MYO6: variants seen among roughly 807,000 people sequenced by gnomAD.
The protein encoded by MYO6 is unconventional myosin-VI.
MYO6 carries 74 observed loss-of-function variants against 178.7 expected under a neutral mutation model. That is an observed-to-expected ratio of 0.41 (90% CI 0.34 to 0.50). The LOEUF is 0.50. MYO6 is among the 20% of genes least tolerant of loss of function. The pLI is 0.09. For synonymous variants in MYO6, 477 were observed against 504.6 expected, an observed-to-expected ratio of 0.95 and a Z score of 0.73; for missense variants, 1,330 against 1,547.4, an observed-to-expected ratio of 0.86 and a Z score of 2.36.
intron 1 of MYO6, among the ~76,000 whole-genome samples, chr6:75,750,386 C>T (rs1211099217): frequency 1.3e-5 from 2 of 152,062 alleles, no homozygotes; most frequent in African/African-American, 4.8e-5. Context: ...TGAGCCACTG[C>T]GCCTGGCCAA....
chr6:75,823,967 T>G lies in MYO6; in HGVS notation c.187+1116T>G, dbSNP rs560418976. Among the ~76,000 whole-genome samples the G allele has an allele frequency of 5.9e-5, 9 of 152,346 alleles. No homozygotes were observed. In the South Asian group the frequency reaches 1.9e-3, roughly 32 times the overall value. On this transcript the variant is annotated intron_variant, in intron 3 of 34. Coordinates refer to ENST00000369977, the MANE Select transcript of MYO6 (RefSeq NM_004999.4). ...GTAGAATTCCCTTCCTTTCCAAAATTGCTGGAGAGTTTGTCTGATTAAATA... is the reference window on the plus strand; with the variant it reads ...GTAGAATTCCCTTCCTTTCCAAAATGGCTGGAGAGTTTGTCTGATTAAATA...
intron 24 of MYO6, 45 bp from the exon 25 acceptor site, chr6:75,886,799 T>C: frequency 6.3e-7 from 1 of 1,590,856 alleles, no homozygotes; most frequent in Non-Finnish European, 8.6e-7. Flanking sequence ...CTGCCAAAAG[T>C]ACTAAAGGAT....
chr6:75,906,928 G>C (rs1208921565), intron 30 of MYO6, among the ~76,000 whole-genome samples: 3 of 152,126 alleles, frequency 2.0e-5, no homozygotes, highest in Non-Finnish European at 1.5e-5. Flanking sequence ...TTACTTATGA[G>C]GGTGTGTTTT....
At chr6:75,908,425 T>TAAAGAAAAAAA (rs1310766938) in intron 31 of MYO6, 71 bp from the exon 32 acceptor site, 108 of 1,464,674 alleles carry the variant, frequency 7.4e-5, no homozygotes, top group Non-Finnish European at 9.7e-5. Flanking sequence ...TGCGACAGAA[T>TAAAGAAAAAAA]AATTATATCA....
Position 75,901,281 on chromosome 6 carries a change from G to T in MYO6, c.3176+2870G>T, listed in dbSNP as rs1779754536. Among the ~76,000 whole-genome samples, 8 of 152,232 alleles carry T rather than the reference G, an allele frequency of 5.3e-5. No individual in the cohort carries two copies. The South Asian group carries it at 1.7e-3, about 32-fold the overall frequency. On this transcript the variant is annotated intron_variant, in intron 30 of 34. Coordinates refer to ENST00000369977, the MANE Select transcript of MYO6 (RefSeq NM_004999.4). ...TCCAATTCTGTGAAGAAAGGCATTG[G>T]TAGCTTGATGGGGATGGCATTGAAT... is the stretch of plus-strand genomic sequence containing the variant.
intron 1 of MYO6, among the ~76,000 whole-genome samples, chr6:75,753,441 A>ATGTGTGTGTGTGTGTG (rs763065617): frequency 7.1e-5 from 10 of 140,470 alleles, no homozygotes; most frequent in African/African-American, 2.7e-4. Flanking sequence ...TGATCTATAT[A>ATGTGTGTGTGTGTGTG]TGTGTGTGTG....
intron 15 of MYO6, 56 bp from the exon 16 acceptor site, chr6:75,862,540 A>G (rs1435128471): frequency 1.4e-6 from 2 of 1,479,662 alleles, no homozygotes; most frequent in African/African-American, 1.4e-5. Context: ...TTGTTCACAT[A>G]TCTTTAAAAT....
rs1311808631 is a variant in MYO6 at position 75,842,199 on chromosome 6, CAT to C, written c.816+822_816+823del. 8.2e-5 allele frequency among the ~76,000 whole-genome samples: 12 copies of C among 146,550 alleles called. No individual in the cohort carries two copies. In the South Asian group the frequency reaches 2.4e-3, roughly 29 times the overall value. On this transcript the variant is annotated intron_variant, in intron 9 of 34. Coordinates refer to ENST00000369977, the MANE Select transcript of MYO6 (RefSeq NM_004999.4). ...GTGGTGGGAAACGCACACACACACACATGCACACACACACACACACACACCTG... is the reference window on the plus strand; with the variant it reads ...GTGGTGGGAAACGCACACACACACACGCACACACACACACACACACACCTG...
chr6:75,895,372 T>C, intron 29 of MYO6, 112 bp downstream of exon 29: 2 of 855,118 alleles, frequency 2.3e-6, no homozygotes, highest in East Asian at 5.2e-5. Flanking sequence ...GGTAATGAGA[T>C]AACCTTTTTC....
rs113912075 is a variant in MYO6 at position 75,770,570 on chromosome 6, G to A, written c.-48+21147G>A. 1.2e-3 allele frequency among the ~76,000 whole-genome samples: 180 copies of A among 152,244 alleles called. 1 individual carries two copies. Among genetic ancestry groups the A allele is most frequent in the African/African-American group, 4.0e-3 (166 of 41,554 alleles). ...TGGCTTATTGCAACCTCCGCCTCCC[G>A]GGTTGAAGCGATTCTTTTGCCTCAG... On this transcript the variant is annotated intron_variant, in intron 1 of 34. Coordinates refer to ENST00000369977, the MANE Select transcript of MYO6 (RefSeq NM_004999.4).
At chr6:75,862,498 C>A in intron 15 of MYO6, 98 bp from the exon 16 acceptor site, 1 of 1,089,542 alleles carries the variant, frequency 9.2e-7, no homozygotes, top group Non-Finnish European at 1.4e-6. Context: ...TATGTTGTTT[C>A]TGATCAGTCC....
intron 24 of MYO6, 83 bp from the exon 25 acceptor site, chr6:75,886,761 C>A: frequency 7.8e-7 from 1 of 1,285,216 alleles, no homozygotes; most frequent in Non-Finnish European, 1.1e-6. Flanking sequence ...AGTGAAATAC[C>A]CTGTTTAGCA....
At chr6:75,879,363 GCCC>G (rs879872493) in intron 20 of MYO6, among the ~76,000 whole-genome samples, 235 of 151,576 alleles carry the variant, frequency 1.6e-3, no homozygotes, top group Non-Finnish European at 2.7e-3. Context: ...TCCTGTCTCA[GCCC>G]CCTGAGTAGC....
intron 1 of MYO6, among the ~76,000 whole-genome samples, chr6:75,783,585 AT>A (rs1767211104): frequency 6.7e-6 from 1 of 148,526 alleles, no homozygotes; most frequent in Non-Finnish European, 1.5e-5. Context: ...CATTTAAAAT[AT>A]CCCACTTACC....
intron 7 of MYO6, among the ~76,000 whole-genome samples, chr6:75,836,247 T>C (rs1388765484): frequency 2.0e-5 from 3 of 152,224 alleles, no homozygotes; most frequent in Admixed American, 2.0e-4. Flanking sequence ...TACAGGAATG[T>C]CTTTAGCTTC....
At chr6:75,775,499 G>A (rs1270200633) in intron 1 of MYO6, among the ~76,000 whole-genome samples, 1 of 152,226 alleles carries the variant, frequency 6.6e-6, no homozygotes, top group African/African-American at 2.4e-5. Flanking sequence ...TCTGAGGCCT[G>A]TGTACGGGAG....
At chr6:75,889,509 G>C (rs956267761) in intron 25 of MYO6, among the ~76,000 whole-genome samples, 2 of 152,200 alleles carry the variant, frequency 1.3e-5, no homozygotes, top group African/African-American at 4.8e-5. Flanking sequence ...CCGGGTTCAA[G>C]CAATTCTCCT....
chr6:75,905,324 A>G (rs1035583640), intron 30 of MYO6, among the ~76,000 whole-genome samples: 7 of 152,132 alleles, frequency 4.6e-5, no homozygotes, highest in African/African-American at 1.2e-4. Context: ...CCCCAGCCTC[A>G]CTGCCGCCTT....
At chr6:75,907,858 T>C in intron 31 of MYO6, 150 bp downstream of exon 31, 1 of 679,942 alleles carries the variant, frequency 1.5e-6, no homozygotes, top group Middle Eastern at 3.5e-4. Context: ...ATCTGAATCT[T>C]TTGGTCCATG....
Sources: allele counts gnomAD v4.1 joint callset (sites outside exome capture counted in the v4.1 genomes callset), GRCh38; gene constraint gnomAD v4.1.1; transcripts MANE v1.5; gene names NCBI Gene and HGNC (gene_info 2026-07-23, HGNC 2026-07-21).